Variants in EPHA6 observed in about 807,000 individuals in gnomAD.
The protein encoded by EPHA6 is ephrin type-A receptor 6.
In EPHA6, 50 loss-of-function variants were observed where a neutral mutation model predicts 112.0. The observed-to-expected ratio is 0.45, with a 90% CI of 0.36 to 0.56. The LOEUF (loss-of-function observed/expected upper bound fraction) is 0.56. Among genes scored for constraint, EPHA6 ranks in the 20% least tolerant of loss-of-function variants. The probability of loss-of-function intolerance (pLI) is 0.00; values close to 1 mark genes in which losing one functional copy is unlikely to be tolerated. For missense variants in EPHA6, 1,280 were observed against 1,417.4 expected (o/e 0.90, Z 1.56); for synonymous variants, 529 against 490.7 (o/e 1.08, Z -1.03).
At chr3:97,204,103 A>G (rs2077651434) in intron 3 of EPHA6, among the ~76,000 whole-genome samples, 2 of 152,166 alleles carry the variant, frequency 1.3e-5, no homozygotes, top group South Asian at 4.1e-4. Context: ...AACTTAGAAG[A>G]GTTAAGAACT....
At chr3:96,964,085 A>G (rs865845080) in intron 2 of EPHA6, among the ~76,000 whole-genome samples, 4 of 152,206 alleles carry the variant, frequency 2.6e-5, no homozygotes, top group Admixed American at 2.0e-4. Context: ...TGACATGGGT[A>G]TGTAATGCAT....
chr3:97,564,669 A>G (rs2093237130), intron 11 of EPHA6, among the ~76,000 whole-genome samples: 2 of 152,210 alleles, frequency 1.3e-5, no homozygotes, highest in South Asian at 4.1e-4. Context: ...AACAACATAT[A>G]CAAATGGATT....
rs189899629 is a variant in EPHA6 at position 96,851,844 on chromosome 3, C to T, written c.386-14981C>T. Among the ~76,000 whole-genome samples, 24 of 151,968 alleles carry T rather than the reference C, an allele frequency of 1.6e-4. 1 individual carries two copies. The highest frequency in any genetic ancestry group is 1.6e-3 in the East Asian group (8 of 5,134). On this transcript the variant is annotated intron_variant, in intron 1 of 17. Transcript: ENST00000389672. ...GGGATGGAATGGTGAGAAAAAAAAACGCTTGCAGGATGAAAACCAAGATCT... is the reference window on the plus strand; with the variant it reads ...GGGATGGAATGGTGAGAAAAAAAAATGCTTGCAGGATGAAAACCAAGATCT...
intron 7 of EPHA6, among the ~76,000 whole-genome samples, chr3:97,473,057 TA>T (rs1267196911): frequency 6.6e-6 from 1 of 151,822 alleles, no homozygotes; most frequent in Non-Finnish European, 1.5e-5. Context: ...ATTAAATAAA[TA>T]ATGACTGTTG....
At chr3:97,203,468 A>C (rs1268549508) in intron 3 of EPHA6, among the ~76,000 whole-genome samples, 3 of 152,178 alleles carry the variant, frequency 2.0e-5, no homozygotes, top group African/African-American at 7.2e-5. Flanking sequence ...AAAACAAAGC[A>C]TCATACCCAA....
chr3:97,258,068 A>T (rs1477635507), intron 5 of EPHA6, among the ~76,000 whole-genome samples: 2 of 152,046 alleles, frequency 1.3e-5, no homozygotes, highest in African/African-American at 4.8e-5. Flanking sequence ...ATAACTCCTT[A>T]TATTTACCCT....
chr3:97,372,730 C>T (rs2085130142), intron 5 of EPHA6, among the ~76,000 whole-genome samples: 1 of 152,056 alleles, frequency 6.6e-6, no homozygotes, highest in Admixed American at 6.6e-5. Flanking sequence ...AAAAACACTT[C>T]AAGCAATGCT....
chr3:96,922,682 C>A (rs1335830475), intron 2 of EPHA6, among the ~76,000 whole-genome samples: 1 of 151,802 alleles, frequency 6.6e-6, no homozygotes, highest in East Asian at 1.9e-4. Flanking sequence ...GCTATGTGTG[C>A]AGGATGTGTG....
chr3:97,034,807 G>A (rs927589810), intron 3 of EPHA6, among the ~76,000 whole-genome samples: 33 of 151,992 alleles, frequency 2.2e-4, no homozygotes, highest in Middle Eastern at 3.4e-3. Context: ...ATGGAACTAC[G>A]ATATAGAAAT....
At chr3:97,142,603 A>G (rs2075939353) in intron 3 of EPHA6, among the ~76,000 whole-genome samples, 1 of 151,998 alleles carries the variant, frequency 6.6e-6, no homozygotes, top group Admixed American at 6.6e-5. Flanking sequence ...CAACTTCCCA[A>G]GGTTGAACCA....
At chr3:97,544,479 C>T (rs1037103308) in intron 11 of EPHA6, among the ~76,000 whole-genome samples, 11 of 152,280 alleles carry the variant, frequency 7.2e-5, no homozygotes, top group African/African-American at 2.6e-4. Context: ...TGATGTGCTG[C>T]TGGATTCGGT....
intron 3 of EPHA6, among the ~76,000 whole-genome samples, chr3:97,019,966 T>G (rs1050489010): frequency 6.6e-6 from 1 of 152,208 alleles, no homozygotes; most frequent in Non-Finnish European, 1.5e-5. Context: ...CTTTGAAGTT[T>G]TTTCCACTAA....
At chr3:96,949,807 C>A (rs2041449141) in intron 2 of EPHA6, among the ~76,000 whole-genome samples, 1 of 152,120 alleles carries the variant, frequency 6.6e-6, no homozygotes, top group Non-Finnish European at 1.5e-5. Flanking sequence ...TAGGACATCT[C>A]ATTTATGGCT....
chr3:97,364,961 C>T (rs2084632317), intron 5 of EPHA6, among the ~76,000 whole-genome samples: 1 of 152,060 alleles, frequency 6.6e-6, no homozygotes, highest in African/African-American at 2.4e-5. Flanking sequence ...ACAGAAGAGT[C>T]AAGATGTTTA....
At chr3:97,444,986 C>T (rs2090283030) in intron 6 of EPHA6, among the ~76,000 whole-genome samples, 1 of 151,966 alleles carries the variant, frequency 6.6e-6, no homozygotes. Flanking sequence ...GGGAAGAGAA[C>T]CATAGGTAAA....
chr3:97,215,626 T>A (rs969208324), intron 3 of EPHA6, among the ~76,000 whole-genome samples: 11 of 148,268 alleles, frequency 7.4e-5, no homozygotes, highest in Non-Finnish European at 1.5e-4. Flanking sequence ...AAAAAAAAAA[T>A]AGAAAATTAG....
At chr3:97,284,500 T>A (rs1253539737) in intron 5 of EPHA6, among the ~76,000 whole-genome samples, 2 of 152,152 alleles carry the variant, frequency 1.3e-5, no homozygotes, top group Admixed American at 1.3e-4. Flanking sequence ...CACTCCCATT[T>A]TTTGTTTGTA....
rs186875437 is a variant in EPHA6 at position 97,484,055 on chromosome 3, G to A, written c.2196G>A (p.Gly732=). 3 of 1,596,092 alleles carry A rather than the reference G, an allele frequency of 1.9e-6. No individual in the cohort carries two copies. In the African/African-American group the frequency reaches 4.0e-5, roughly 22 times the overall value. ...GAATTCGTATTGAGAGAGTCATTGG[G>A]GCAGGTAAATGTCAAATCTACACTT... ...PSRIRIERVI[G]AGEFGEVCSG... is the part of the protein sequence containing the mutation. Residue 732 remains glycine (G), a synonymous_variant, in exon 10 of 18, where the codon GGG becomes GGA. Coordinates refer to ENST00000389672, the MANE Select transcript of EPHA6 (RefSeq NM_001080448.3).
chr3:96,942,607 C>A (rs1025180948), intron 2 of EPHA6, among the ~76,000 whole-genome samples: 1 of 152,206 alleles, frequency 6.6e-6, no homozygotes, highest in Non-Finnish European at 1.5e-5. Flanking sequence ...GCACACGGTG[C>A]GCTGCACCCA....
Sources: gnomAD v4.1 joint callset for allele counts (sites outside exome capture counted in the v4.1 genomes callset) on GRCh38, gnomAD v4.1.1 for gene constraint, MANE v1.5 for transcripts, NCBI Gene and HGNC (gene_info 2026-07-23, HGNC 2026-07-21) for gene names.